Variants in RGS11 observed in about 807,000 individuals in gnomAD.
The protein encoded by RGS11 is regulator of G protein signaling 11.
A neutral mutation model predicts 71.1 loss-of-function variants in RGS11; 86 were observed. That is an observed-to-expected ratio of 1.21 (90% confidence interval 1.02 to 1.45). The LOEUF is 1.45. RGS11 is among the 40% of genes most tolerant of loss of function. The probability of loss-of-function intolerance (pLI) is 0.00; values close to 1 mark genes in which losing one functional copy is unlikely to be tolerated. For synonymous variants in RGS11, 298 were observed against 254.2 expected, an observed-to-expected ratio of 1.17 and a Z score of -1.64; for missense variants, 734 against 635.1, an observed-to-expected ratio of 1.16 and a Z score of -1.67.
rs2052004209 is a variant in RGS11 at position 272,951 on chromosome 16, T to G, written c.589-20A>C. 6.7e-7 allele frequency: 1 copy of G among 1,482,258 alleles called. No homozygotes were observed. The allele number at this position is 1,482,258 out of a possible 1,614,324, so 91.8% of individuals were successfully genotyped here. ...CCCGGGCTGCGGAGGGGAGACGAGA[T>G]GAGGTGGGGATGCAGTTCCGGTGGC... On this transcript the variant is annotated intron_variant, in intron 8 of 16. Transcript: ENST00000397770.
In RGS11 at chr16:269,786, T is replaced by C. The variant is rs933694325; in HGVS notation, c.1207-201A>G. The C allele has an allele frequency of 3.1e-5, 17 of 549,430 alleles. No individual in the cohort carries two copies. The East Asian group carries it at 5.1e-4, about 17-fold the overall frequency. The allele number at this position is 549,430 out of a possible 1,614,324, so 34.0% of individuals were successfully genotyped here. A position where few individuals can be genotyped will look rare whatever the true frequency, so the allele number is the denominator to read the frequency against. On this transcript the variant is annotated intron_variant, in intron 15 of 16. Coordinates refer to ENST00000397770, the MANE Select transcript of RGS11 (RefSeq NM_183337.3). Reference sequence around the variant, plus strand: ...CCTGGGCTCCCGTCTGCCTGGGCCATGTCGCAGCAAAAAATGGCAAGAGCC... The same window carrying C: ...CCTGGGCTCCCGTCTGCCTGGGCCACGTCGCAGCAAAAAATGGCAAGAGCC...
rs552987966 is a variant in RGS11, at chr16:269,915, G to A, written c.1207-330C>T. On this transcript the variant is annotated intron_variant, in intron 15 of 16. Transcript: ENST00000397770. ...CACAGAGTGAGGGCAGGGTTGTGGA[G>A]TCAAATAAAAAAACAAGGTAGGCCA... 14 of 261,456 alleles carry A rather than the reference G, an allele frequency of 5.4e-5. 1 individual carries two copies. The highest frequency in any genetic ancestry group is 3.3e-4 in the East Asian group (4 of 12,126). 16.2% of individuals were successfully genotyped at this position (261,456 alleles called of 1,614,324 possible).
At position 272,938 on chromosome 16, in the gene RGS11, AG is replaced by A; in HGVS notation, c.589-8del. On this transcript the variant is annotated splice_region_variant and splice_polypyrimidine_tract_variant and intron_variant, in intron 8 of 16. Transcript: ENST00000397770. ...GCACATCGGGGGCCCCGGGCTGCGG[AG>A]GGGAGACGAGATGAGGTGGGGATGC... 6.7e-7 allele frequency: 1 copy of A among 1,491,346 alleles called. No homozygotes were observed. Among genetic ancestry groups the A allele is most frequent in the Non-Finnish European group, 9.0e-7 (1 of 1,114,334 alleles). 92.4% of individuals were successfully genotyped at this position (1,491,346 alleles called of 1,614,324 possible).
chr16:270,833 TG>T lies in RGS11; in HGVS notation c.980-3del. ...CCTCCCAGAAGCTGAGGTTTTCTCCTGGGGGGCCGGGCACCCAGTCAAGGAT... is the reference window on the plus strand; with the variant it reads ...CCTCCCAGAAGCTGAGGTTTTCTCCTGGGGGCCGGGCACCCAGTCAAGGAT... On this transcript the variant is annotated splice_region_variant and splice_polypyrimidine_tract_variant and intron_variant, in intron 13 of 16. Coordinates refer to ENST00000397770, the MANE Select transcript of RGS11 (RefSeq NM_183337.3). The T allele has an allele frequency of 1.2e-6, 2 of 1,609,848 alleles. No individual in the cohort carries two copies. Among genetic ancestry groups the T allele is most frequent in the Non-Finnish European group, 1.7e-6 (2 of 1,178,818 alleles).
chr16:273,734 C>A, intron 7 of RGS11, 26 bp downstream of exon 7: 1 of 1,590,130 alleles, frequency 6.3e-7, no homozygotes, highest in Non-Finnish European at 8.6e-7. Context: ...CGCCTGCAGG[C>A]GGGGCGGGGC....
At chr16:274,870 C>T (rs1293787141) in intron 4 of RGS11, 106 bp downstream of exon 4, 2 of 1,476,074 alleles carry the variant, frequency 1.4e-6, no homozygotes, top group Non-Finnish European at 1.8e-6. Context: ...CGGAGTCCCA[C>T]TCCAATCCCA....
rs370848863 is a variant in RGS11 at position 274,060 on chromosome 16, G to A, written c.412C>T (p.Leu138=). Residue 138 remains leucine, a synonymous_variant, in exon 6 of 17, where the codon CTG becomes TTG. Coordinates refer to ENST00000397770, the MANE Select transcript of RGS11 (RefSeq NM_183337.3). Reference sequence around the variant, plus strand: ...GGTCCCACCTTCTCATAATCCACCAGGGTCCCCCGTTTTCGGATGTTCTTC... The same window carrying A: ...GGTCCCACCTTCTCATAATCCACCAAGGTCCCCCGTTTTCGGATGTTCTTC... ...AKKNIRKRGT[L]VDYEKDCYDR... is the part of the protein sequence containing the mutation. The A allele has an allele frequency of 4.0e-4, 618 of 1,550,882 alleles. 9 individuals are homozygous for A. The South Asian group carries it at 6.9e-3, about 17-fold the overall frequency.
Position 274,041 on chromosome 16 carries a change from A to T in RGS11, c.429+2T>A, listed in dbSNP as rs2052055426. On this transcript the variant is annotated splice_donor_variant, in intron 6 of 16. Transcript: ENST00000397770. LOFTEE classifies it high-confidence loss of function. ...CGGGGCGGGAAGGGTGGGGGGTCCCACCTTCTCATAATCCACCAGGGTCCC... is the reference window on the plus strand; with the variant it reads ...CGGGGCGGGAAGGGTGGGGGGTCCCTCCTTCTCATAATCCACCAGGGTCCC... The T allele has an allele frequency of 6.5e-7, 1 of 1,549,710 alleles. No homozygotes were observed. Among genetic ancestry groups the T allele is most frequent in the Admixed American group, 2.0e-5 (1 of 50,998 alleles).
chr16:275,468 G>A lies in RGS11; in HGVS notation c.94C>T (p.Pro32Ser). The change falls in exon 2 of 17, where the codon CCC (proline) becomes TCC (serine). Residue 32 changes from proline (P) to serine (S), a missense_variant. Coordinates refer to ENST00000397770, the MANE Select transcript of RGS11 (RefSeq NM_183337.3). ...MERVVVSMQD[P>S]DQGVKMRSQR... ...CTCCGCATCTTCACGCCCTGGTCGG[G>A]GTCCTGCATGCTCACGACCACCCGC... 1 of 1,589,308 alleles carries A rather than the reference G, an allele frequency of 6.3e-7. No individual in the cohort carries two copies. Among genetic ancestry groups the A allele is most frequent in the Non-Finnish European group, 8.5e-7 (1 of 1,175,330 alleles).
At position 273,454 on chromosome 16, in the gene RGS11, C is replaced by T. The variant is rs2052023343; in HGVS notation, c.588+21G>A. On this transcript the variant is annotated intron_variant, in intron 8 of 16. Coordinates refer to ENST00000397770, the MANE Select transcript of RGS11 (RefSeq NM_183337.3). ...CCCTGCGCTGGCCAGCGACCCCCAC[C>T]CTCACCGCAGGTGGGCTCACCGGGG... 3 of 1,538,948 alleles carry T rather than the reference C, an allele frequency of 1.9e-6. No individual in the cohort carries two copies. The East Asian group carries it at 7.3e-5, about 38-fold the overall frequency.
Position 268,542 on chromosome 16 carries a change from A to G in RGS11, c.*727T>C. On this transcript the variant is annotated 3_prime_UTR_variant, in exon 17 of 17. Transcript: ENST00000397770. Reference sequence around the variant, plus strand: ...AAGGAAGACTTGGGCAGGGAGGATCAGGGACGCCTGGCAAGGATCCACCCT... The same window carrying G: ...AAGGAAGACTTGGGCAGGGAGGATCGGGGACGCCTGGCAAGGATCCACCCT... 1 of 577,708 alleles carries G rather than the reference A, an allele frequency of 1.7e-6. No homozygotes were observed. Among genetic ancestry groups the G allele is most frequent in the Non-Finnish European group, 3.1e-6 (1 of 323,106 alleles). 35.8% of individuals were successfully genotyped at this position (577,708 alleles called of 1,614,324 possible).
Position 269,486 on chromosome 16 carries a change from G to T in RGS11, c.1289+17C>A, listed in dbSNP as rs766243099. ...CCAGGCCACAGCCGCCGGCCACAGG[G>T]CACTGCCTGGGCTCACCGTCTCTTC... On this transcript the variant is annotated intron_variant, in intron 16 of 16. Coordinates refer to ENST00000397770, the MANE Select transcript of RGS11 (RefSeq NM_183337.3). The T allele has an allele frequency of 6.2e-7, 1 of 1,611,558 alleles. No homozygotes were observed. Among genetic ancestry groups the T allele is most frequent in the Non-Finnish European group, 8.5e-7 (1 of 1,178,870 alleles).
At position 275,414 on chromosome 16, in the gene RGS11, G is replaced by A. The variant is rs752441044; in HGVS notation, c.148C>T (p.His50Tyr). The change falls in exon 2 of 17, where the codon CAC becomes TAC. Residue 50 changes from histidine (H) to tyrosine (Y), a missense_variant. Coordinates refer to ENST00000397770, the MANE Select transcript of RGS11 (RefSeq NM_183337.3). ...SQRLLVTVIP[H>Y]AVTGSDVVQW... Reference sequence around the variant, plus strand: ...CGGCGCGCCTCACCTGTCACCGCGTGGGGAATGACGGTGACCAGCAGGCGC... The same window carrying A: ...CGGCGCGCCTCACCTGTCACCGCGTAGGGAATGACGGTGACCAGCAGGCGC... 2.8e-5 allele frequency: 45 copies of A among 1,604,930 alleles called. No homozygotes were observed. The highest frequency in any genetic ancestry group is 2.9e-5 in the Non-Finnish European group (34 of 1,179,116).
chr16:271,076 C>T lies in RGS11; in HGVS notation c.887G>A (p.Arg296His), dbSNP rs781762011. 2.6e-5 allele frequency: 42 copies of T among 1,612,178 alleles called. No homozygotes were observed. The highest frequency in any genetic ancestry group is 1.1e-4 in the East Asian group (5 of 44,860). Residue 296 changes from arginine (R) to histidine (H), a missense_variant, in exon 13 of 17, where the codon CGT (arginine) becomes CAT (histidine). Arg to His is a conservative substitution (Grantham distance 29, BLOSUM62 0). Coordinates refer to ENST00000397770, the MANE Select transcript of RGS11 (RefSeq NM_183337.3). ...GAAGCTGAAGCCCCATCTCTCCACA[C>T]GGAGCTTCGTGGGGGCAGCCACCCT... ...APTVAAPTKLRVERWGFSFRE... is the reference protein window; with the variant it reads ...APTVAAPTKLHVERWGFSFRE...
Position 270,839 on chromosome 16 carries a change from G to A in RGS11, c.980-8C>T, listed in dbSNP as rs748284212. ...AGAAGCTGAGGTTTTCTCCTGGGGG[G>A]CCGGGCACCCAGTCAAGGATCCCAT... On this transcript the variant is annotated splice_region_variant and splice_polypyrimidine_tract_variant and intron_variant, in intron 13 of 16. Coordinates refer to ENST00000397770, the MANE Select transcript of RGS11 (RefSeq NM_183337.3). 6.2e-6 allele frequency: 10 copies of A among 1,608,848 alleles called. No individual in the cohort carries two copies. The South Asian group carries it at 7.7e-5, about 12-fold the overall frequency.
intron 1 of RGS11, 125 bp downstream of exon 1, chr16:275,724 C>A (rs1360058444): frequency 2.0e-5 from 8 of 405,408 alleles, no homozygotes; most frequent in Non-Finnish European, 3.2e-5. Context: ...CCCCTCCCGG[C>A]CTCGCAGACC....
rs759001496 is a variant in RGS11 at position 274,298 on chromosome 16, G to A, written c.319-33C>T. On this transcript the variant is annotated intron_variant, in intron 4 of 16. Coordinates refer to ENST00000397770, the MANE Select transcript of RGS11 (RefSeq NM_183337.3). ...GGTGCAGGGAGAAGGTGTCCAGGACGCCTGCGTCTGTGCCTCCCCAGTGTC... is the reference window on the plus strand; with the variant it reads ...GGTGCAGGGAGAAGGTGTCCAGGACACCTGCGTCTGTGCCTCCCCAGTGTC... 109 of 1,592,408 alleles carry A rather than the reference G, an allele frequency of 6.8e-5. No homozygotes were observed. The East Asian group carries it at 8.5e-4, about 12-fold the overall frequency.
intron 4 of RGS11, chr16:274,568 G>C: frequency 1.7e-6 from 1 of 596,596 alleles, no homozygotes; most frequent in Middle Eastern, 2.8e-4. Flanking sequence ...GTCACAGTCT[G>C]TGCCTGGGGA....
rs779007682 is a variant in RGS11 at position 270,672 on chromosome 16, G to A, written c.1068-11C>T. ...GGGGCCAGGAACTGCCTAGGGGTGG[G>A]GACAGCACTGGGTAGTCTCGGCTGG... On this transcript the variant is annotated splice_polypyrimidine_tract_variant and intron_variant, in intron 14 of 16. Coordinates refer to ENST00000397770, the MANE Select transcript of RGS11 (RefSeq NM_183337.3). The A allele has an allele frequency of 8.7e-6, 14 of 1,609,928 alleles. No homozygotes were observed. Among genetic ancestry groups the A allele is most frequent in the Middle Eastern group, 1.6e-4 (1 of 6,080 alleles).
Sources: gnomAD v4.1 joint callset for allele counts on GRCh38, gnomAD v4.1.1 for gene constraint, MANE v1.5 for transcripts, NCBI Gene and HGNC (gene_info 2026-07-23, HGNC 2026-07-21) for gene names.